The following PTPRK variants were observed in gnomAD, a reference collection of about 807,000 sequenced individuals.
The protein encoded by PTPRK is protein tyrosine phosphatase receptor type K, also known as receptor-type tyrosine-protein phosphatase kappa.
A neutral mutation model predicts 178.0 loss-of-function variants in PTPRK; 75 were observed. The ratio of observed to expected loss-of-function variants is 0.42; its 90% CI spans 0.35 to 0.51. The LOEUF (loss-of-function observed/expected upper bound fraction) is 0.51, where lower values mean the gene tolerates loss of function less well. PTPRK is among the 20% of genes least tolerant of loss of function. PTPRK has a pLI of 0.02. For missense variants in PTPRK, 1,441 were observed against 1,797.8 expected, an observed-to-expected ratio of 0.80 and a Z score of 3.59; for synonymous variants, 637 against 620.6, an observed-to-expected ratio of 1.03 and a Z score of -0.39.
intron 1 of PTPRK, among the ~76,000 whole-genome samples, chr6:128,500,367 G>A (rs533660510): frequency 6.6e-6 from 1 of 152,032 alleles, no homozygotes; most frequent in Non-Finnish European, 1.5e-5. Flanking sequence ...AAAATTTGGG[G>A]GGGGGAGTCT....
intron 7 of PTPRK, among the ~76,000 whole-genome samples, chr6:128,147,303 CAG>C (rs916430993): frequency 6.6e-6 from 1 of 151,992 alleles, no homozygotes; most frequent in African/African-American, 2.4e-5. Context: ...TAACATTTTA[CAG>C]AGTTTTTTTA....
intron 7 of PTPRK, among the ~76,000 whole-genome samples, chr6:128,162,378 G>T (rs575778118): frequency 6.6e-6 from 1 of 151,714 alleles, no homozygotes; most frequent in East Asian, 1.9e-4. Context: ...GCATGAAAGA[G>T]AAAATGAGAG....
At chr6:128,231,602 T>C (rs1812314654) in intron 5 of PTPRK, among the ~76,000 whole-genome samples, 1 of 152,178 alleles carries the variant, frequency 6.6e-6, no homozygotes, top group African/African-American at 2.4e-5. Flanking sequence ...CTCAGAGGTT[T>C]AAGTTGGCGA....
intron 2 of PTPRK, among the ~76,000 whole-genome samples, chr6:128,356,078 T>C (rs1833920738): frequency 6.6e-6 from 1 of 152,152 alleles, no homozygotes; most frequent in African/African-American, 2.4e-5. Context: ...AGGTCCCAGG[T>C]GTTACTTGTC....
intron 1 of PTPRK, among the ~76,000 whole-genome samples, chr6:128,429,708 A>T (rs1844576641): frequency 6.6e-6 from 1 of 152,188 alleles, no homozygotes; most frequent in African/African-American, 2.4e-5. Flanking sequence ...ATTTCTGTTT[A>T]AAAAAGAAAA....
chr6:128,217,726 T>A (rs1336187487), intron 6 of PTPRK, among the ~76,000 whole-genome samples: 2 of 152,108 alleles, frequency 1.3e-5, no homozygotes, highest in African/African-American at 4.8e-5. Flanking sequence ...TGCTGGTGTT[T>A]CTTTCTCTTG....
At chr6:127,977,706 C>T (rs553864676) in intron 25 of PTPRK, among the ~76,000 whole-genome samples, 116 of 152,252 alleles carry the variant, frequency 7.6e-4, no homozygotes, top group African/African-American at 2.4e-3. Context: ...ATTTAAGATC[C>T]TGAAGCACCA....
chr6:128,413,197 A>G (rs964085170), intron 1 of PTPRK, among the ~76,000 whole-genome samples: 1 of 152,314 alleles, frequency 6.6e-6, no homozygotes, highest in African/African-American at 2.4e-5. Context: ...TGTCTCCTAC[A>G]GAGTTCAAAG....
At chr6:128,490,883 C>T (rs532413565) in intron 1 of PTPRK, among the ~76,000 whole-genome samples, 5 of 152,300 alleles carry the variant, frequency 3.3e-5, no homozygotes, top group African/African-American at 9.6e-5. Flanking sequence ...TTTCTGTGAA[C>T]ACACATTCTT....
At chr6:128,233,847 C>A (rs1426050623) in intron 5 of PTPRK, among the ~76,000 whole-genome samples, 2 of 152,334 alleles carry the variant, frequency 1.3e-5, no homozygotes, top group South Asian at 4.1e-4. Flanking sequence ...AATCTACCCA[C>A]ACAATTCCCT....
chr6:128,511,881 T>C (rs561027106), intron 1 of PTPRK, among the ~76,000 whole-genome samples: 1 of 152,170 alleles, frequency 6.6e-6, no homozygotes, highest in Non-Finnish European at 1.5e-5. Flanking sequence ...ATTGTGAGGA[T>C]TTAAAATTAT....
At chr6:128,042,688 A>G (rs932910143) in intron 13 of PTPRK, among the ~76,000 whole-genome samples, 2 of 152,102 alleles carry the variant, frequency 1.3e-5, no homozygotes, top group African/African-American at 4.8e-5. Context: ...TTCCAAGGAA[A>G]TTAACATCTT....
rs1227713941 is a variant in PTPRK at position 128,419,733 on chromosome 6, A to G, written c.101-22045T>C. ...AATCTTGCTGTTCTGGGAACCTCTC[A>G]TTGCCAGTGTTGTGGAGCCAGGGCA... On this transcript the variant is annotated intron_variant, in intron 1 of 29. Transcript: ENST00000368226. Among the ~76,000 whole-genome samples, 6 of 152,254 alleles carry G rather than the reference A, an allele frequency of 3.9e-5. No individual in the cohort carries two copies. The East Asian group carries it at 9.6e-4, about 24-fold the overall frequency.
At chr6:128,166,774 AG>A (rs1335559199) in intron 7 of PTPRK, among the ~76,000 whole-genome samples, 3 of 151,814 alleles carry the variant, frequency 2.0e-5, no homozygotes, top group Non-Finnish European at 4.4e-5. Flanking sequence ...TTATCAACTT[AG>A]TATTCTTCTG....
intron 13 of PTPRK, among the ~76,000 whole-genome samples, chr6:128,023,889 T>C (rs1343035545): frequency 6.6e-6 from 1 of 151,838 alleles, no homozygotes; most frequent in Non-Finnish European, 1.5e-5. Context: ...AGGTTTGTCT[T>C]GAACTCCTGG....
intron 7 of PTPRK, among the ~76,000 whole-genome samples, chr6:128,142,528 G>A (rs1028608762): frequency 2.1e-4 from 31 of 150,768 alleles, no homozygotes; most frequent in Admixed American, 6.6e-5. Flanking sequence ...TAAAATATAT[G>A]GGTATATATA....
intron 1 of PTPRK, among the ~76,000 whole-genome samples, chr6:128,434,259 A>G (rs969476747): frequency 1.3e-5 from 2 of 152,182 alleles, no homozygotes; most frequent in Non-Finnish European, 2.9e-5. Context: ...TCTGAGTACA[A>G]TTGTATAATT....
At chr6:128,507,252 GT>G (rs576353468) in intron 1 of PTPRK, among the ~76,000 whole-genome samples, 186 of 152,172 alleles carry the variant, frequency 1.2e-3, no homozygotes, top group African/African-American at 4.3e-3. Flanking sequence ...ACAAAAAACA[GT>G]TTTTTAAATT....
At chr6:128,122,229 A>G (rs2114403347) in intron 7 of PTPRK, among the ~76,000 whole-genome samples, 1 of 152,278 alleles carries the variant, frequency 6.6e-6, no homozygotes, top group Non-Finnish European at 1.5e-5. Flanking sequence ...AGTTAAATGG[A>G]TAAAATAGCA....
Sources: allele counts gnomAD v4.1 joint callset (sites outside exome capture counted in the v4.1 genomes callset), GRCh38; gene constraint gnomAD v4.1.1; transcripts MANE v1.5; gene names NCBI Gene and HGNC (gene_info 2026-07-23, HGNC 2026-07-21).